Variants in SCYL3 observed in about 807,000 individuals in gnomAD.
SCYL3 encodes SCY1 like pseudokinase 3.
In SCYL3, 35 loss-of-function variants were observed where a neutral mutation model predicts 73.8. That is an observed-to-expected ratio of 0.47 (90% CI 0.36 to 0.63). The LOEUF is 0.63. Among genes scored for constraint, SCYL3 ranks in the 20% least tolerant of loss-of-function variants. The probability of loss-of-function intolerance (pLI) is 0.00; values close to 1 mark genes in which losing one functional copy is unlikely to be tolerated. For missense variants in SCYL3, 712 were observed against 798.9 expected (o/e 0.89, Z 1.31); for synonymous variants, 277 against 295.2 (o/e 0.94, Z 0.63).
rs748610711 is a variant in SCYL3 at position 169,870,261 on chromosome 1, C to T, written c.619G>A (p.Glu207Lys). The part of the protein sequence containing the change: ...LVESLLTILN[E>K]QVSADVLSSF... ...TAGTATAACTCCAACTCACCCTGTT[C>T]ATTTAAGATTGTGAGCAAACTTTCC... is the stretch of plus-strand genomic sequence containing the variant. The change falls in exon 6 of 13, where the codon GAA (glutamate) becomes AAA (lysine). Residue 207 changes from glutamate to lysine, a missense_variant. Physicochemically the swap from Glu to Lys is moderately conservative, Grantham distance 56. Transcript: ENST00000367771. 13 of 1,609,424 alleles carry T rather than the reference C, an allele frequency of 8.1e-6. No individual in the cohort carries two copies. In the Admixed American group the frequency reaches 1.5e-4, roughly 19 times the overall value.
chr1:169,873,375 A>T (rs1660565327), intron 5 of SCYL3, among the ~76,000 whole-genome samples: 1 of 152,182 alleles, frequency 6.6e-6, no homozygotes. Context: ...TCTTTTGTAA[A>T]TTGCCCAGTC....
At chr1:169,883,814 G>T (rs1022547515) in intron 2 of SCYL3, among the ~76,000 whole-genome samples, 5 of 150,362 alleles carry the variant, frequency 3.3e-5, no homozygotes, top group Non-Finnish European at 4.4e-5. Flanking sequence ...CGCCTCCCAG[G>T]TTCAACCAAT....
At chr1:169,873,588 G>T in intron 5 of SCYL3, 108 bp downstream of exon 5, 2 of 655,552 alleles carry the variant, frequency 3.1e-6, no homozygotes, top group Non-Finnish European at 2.6e-6. Context: ...GGAATTATGA[G>T]GCATCTATAA....
Position 169,853,318 on chromosome 1 carries a change from GTA to G in SCYL3, c.*393_*394del, listed in dbSNP as rs1658671576. ...TTTATAGCTAAAATTTTTTAAAGTT[GTA>G]TTTCATAATAGAGCTTACTCTTATG... On this transcript the variant is annotated 3_prime_UTR_variant, in exon 13 of 13. Coordinates refer to ENST00000367771, the MANE Select transcript of SCYL3 (RefSeq NM_020423.7). The G allele has an allele frequency of 3.0e-6, 1 of 333,578 alleles. No individual in the cohort carries two copies. Among genetic ancestry groups the G allele is most frequent in the Non-Finnish European group, 5.4e-6 (1 of 184,376 alleles). 20.7% of individuals were successfully genotyped at this position (333,578 alleles called of 1,614,324 possible). A position where few individuals can be genotyped will look rare whatever the true frequency, so the allele number is the denominator to read the frequency against.
chr1:169,854,596 A>G lies in SCYL3; in HGVS notation c.1681T>C (p.Trp561Arg). Reference protein sequence around the residue: ...LLSLTEESMPWKSSLPQKISL... With the variant: ...LLSLTEESMPRKSSLPQKISL... ...ATCTTTTGGGGTAAGCTTGATTTCC[A>G]AGGCATAGACTCTTCAGTGAGTGAA... Residue 561 changes from tryptophan (W) to arginine (R), a missense_variant, in exon 12 of 13, where the codon TGG becomes CGG. Physicochemically the swap from Trp to Arg is moderately radical, Grantham distance 101 (BLOSUM62 -3). Transcript: ENST00000367771. 6.2e-7 allele frequency: 1 copy of G among 1,613,824 alleles called. No individual in the cohort carries two copies. Among genetic ancestry groups the G allele is most frequent in the Non-Finnish European group, 8.5e-7 (1 of 1,179,870 alleles).
chr1:169,862,859 A>C, intron 9 of SCYL3, 62 bp from the exon 10 acceptor site: 1 of 1,522,012 alleles, frequency 6.6e-7, no homozygotes, highest in Non-Finnish European at 9.1e-7. Flanking sequence ...GAAAAGTATT[A>C]AGCATAATTC....
chr1:169,878,071 G>A (rs1388239800), intron 3 of SCYL3, among the ~76,000 whole-genome samples: 1 of 152,056 alleles, frequency 6.6e-6, no homozygotes, highest in African/African-American at 2.4e-5. Flanking sequence ...GTAAACCTAG[G>A]AACCATCTTC....
intron 5 of SCYL3, 68 bp from the exon 6 acceptor site, chr1:169,870,425 G>T: frequency 1.0e-6 from 1 of 1,002,960 alleles, no homozygotes; most frequent in Non-Finnish European, 1.6e-6. Context: ...TTTCTCTGAA[G>T]CACCTTCTCC....
At chr1:169,853,815 C>T in intron 12 of SCYL3, 43 bp from the exon 13 acceptor site, 1 of 1,590,726 alleles carries the variant, frequency 6.3e-7, no homozygotes, top group East Asian at 2.2e-5. Context: ...TGAAACAAAT[C>T]ATATGCAAAA....
At position 169,852,438 on chromosome 1, in the gene SCYL3, A is replaced by ATAAG. The variant is rs1265826908; in HGVS notation, c.*1271_*1274dup. On this transcript the variant is annotated 3_prime_UTR_variant, in exon 13 of 13. Coordinates refer to ENST00000367771, the MANE Select transcript of SCYL3 (RefSeq NM_020423.7). ...GTAATTCATGAAGAACAACATTCTG[A>ATAAG]TAAGTTTTAGTCAAACTCTCATAAA... 7.1e-6 allele frequency: 2 copies of ATAAG among 280,362 alleles called. No homozygotes were observed. Among genetic ancestry groups the ATAAG allele is most frequent in the Non-Finnish European group, 6.7e-6 (1 of 148,936 alleles). The allele number at this position is 280,362 out of a possible 1,614,324, so 17.4% of individuals were successfully genotyped here. A position where few individuals can be genotyped will look rare whatever the true frequency, so the allele number is the denominator to read the frequency against.
In SCYL3 at chr1:169,854,336, T is replaced by G; in HGVS notation, c.1941A>C (p.Pro647=). 6.2e-7 allele frequency: 1 copy of G among 1,613,026 alleles called. No individual in the cohort carries two copies. The highest frequency in any genetic ancestry group is 8.5e-7 in the Non-Finnish European group (1 of 1,179,728). The stretch of plus-strand genomic sequence containing the variant: ...TCACTGGGGAGACATCATCCTTTTT[T>G]GGGACCATTTCTGTCCTCAGTTCAG... The part of the protein sequence containing the change: ...ILPELRTEMV[P]KKDDVSPVMQ... The change falls in exon 12 of 13, where the codon CCA becomes CCC. Residue 647 remains proline, a synonymous_variant. Coordinates refer to ENST00000367771, the MANE Select transcript of SCYL3 (RefSeq NM_020423.7).
rs74431329 is a variant in SCYL3 at position 169,858,310 on chromosome 1, T to C, written c.1312+731A>G. Among the ~76,000 whole-genome samples the C allele has an allele frequency of 2.7e-3, 418 of 152,268 alleles. 3 individuals carry two copies. Among genetic ancestry groups the C allele is most frequent in the African/African-American group, 9.8e-3 (407 of 41,554 alleles). ...TTTTTTGTTAAAATCTAAGACACAA[T>C]CACACACATTAGCCTAGGCCTACAC... On this transcript the variant is annotated intron_variant, in intron 11 of 12. Coordinates refer to ENST00000367771, the MANE Select transcript of SCYL3 (RefSeq NM_020423.7).
At chr1:169,856,468 T>C (rs1341379207) in intron 11 of SCYL3, among the ~76,000 whole-genome samples, 2 of 152,192 alleles carry the variant, frequency 1.3e-5, no homozygotes, top group Non-Finnish European at 2.9e-5. Flanking sequence ...CCAGAAAGTT[T>C]ATACTTAAAA....
chr1:169,880,635 G>A (rs1661173879), intron 2 of SCYL3, among the ~76,000 whole-genome samples: 1 of 151,460 alleles, frequency 6.6e-6, no homozygotes, highest in African/African-American at 2.4e-5. Flanking sequence ...CAGAAGACCT[G>A]CTATATAAAA....
chr1:169,892,437 G>A (rs549514136), intron 1 of SCYL3, among the ~76,000 whole-genome samples: 5 of 152,272 alleles, frequency 3.3e-5, no homozygotes, highest in African/African-American at 1.2e-4. Flanking sequence ...CTTTAAAAAT[G>A]ATAATTCAGC....
Position 169,850,868 on chromosome 1 carries a change from CTAA to C in SCYL3, c.*2842_*2844del, listed in dbSNP as rs1407308220. 6.6e-6 allele frequency: 1 copy of C among 151,512 alleles called. No individual in the cohort carries two copies. Among genetic ancestry groups the C allele is most frequent in the Non-Finnish European group, 1.5e-5 (1 of 68,248 alleles). 9.4% of individuals were successfully genotyped at this position (151,512 alleles called of 1,614,324 possible). ...ACTGATTATCCAGGCAGTGAGATGA[CTAA>C]TGAGGATCCCTAAGCTATTAATAAT... On this transcript the variant is annotated 3_prime_UTR_variant, in exon 13 of 13. Transcript: ENST00000367771.
At chr1:169,877,173 T>C (rs1221042290) in intron 3 of SCYL3, among the ~76,000 whole-genome samples, 1 of 152,154 alleles carries the variant, frequency 6.6e-6, no homozygotes, top group African/African-American at 2.4e-5. Flanking sequence ...GTAATGTATG[T>C]ATTTATTACA....
chr1:169,883,584 C>G (rs543160969), intron 2 of SCYL3, among the ~76,000 whole-genome samples: 1 of 152,214 alleles, frequency 6.6e-6, no homozygotes, highest in East Asian at 1.9e-4. Flanking sequence ...TCTTGGAGGA[C>G]TATGGGCTAG....
At chr1:169,870,428 C>A in intron 5 of SCYL3, 71 bp from the exon 6 acceptor site, 1 of 964,326 alleles carries the variant, frequency 1.0e-6, no homozygotes, top group Non-Finnish European at 1.6e-6. Flanking sequence ...CTCTGAAGCA[C>A]CTTCTCCCAT....
Sources: gnomAD v4.1 joint callset for allele counts (sites outside exome capture counted in the v4.1 genomes callset) on GRCh38, gnomAD v4.1.1 for gene constraint, MANE v1.5 for transcripts, NCBI Gene and HGNC (gene_info 2026-07-23, HGNC 2026-07-21) for gene names.